Variants in OPCML observed in about 807,000 individuals in gnomAD.
OPCML encodes the protein opioid binding protein/cell adhesion molecule like.
A neutral mutation model predicts 37.8 loss-of-function variants in OPCML; 13 were observed. The observed-to-expected ratio is 0.34, with a 90% CI of 0.22 to 0.55. The LOEUF (loss-of-function observed/expected upper bound fraction) is 0.55. Among genes scored for constraint, OPCML ranks in the 20% least tolerant of loss-of-function variants. OPCML has a pLI of 0.91. For missense variants in OPCML, 341 were observed against 435.6 expected, an observed-to-expected ratio of 0.78 and a Z score of 1.93; for synonymous variants, 176 against 168.8, an observed-to-expected ratio of 1.04 and a Z score of -0.33.
At chr11:133,510,308 T>C (rs776347267) in intron 1 of OPCML, among the ~76,000 whole-genome samples, 1 of 152,120 alleles carries the variant, frequency 6.6e-6, no homozygotes, top group Non-Finnish European at 1.5e-5. Context: ...TGGAAGAGGG[T>C]ATAGGGGAAA....
chr11:132,550,214 A>C (rs1183026524), intron 3 of OPCML, among the ~76,000 whole-genome samples: 1 of 152,186 alleles, frequency 6.6e-6, no homozygotes, highest in East Asian at 1.9e-4. Flanking sequence ...TGTGACATTA[A>C]GGGGGTGATA....
chr11:132,804,419 C>G (rs1242275173), intron 2 of OPCML, among the ~76,000 whole-genome samples: 1 of 152,102 alleles, frequency 6.6e-6, no homozygotes, highest in Non-Finnish European at 1.5e-5. Context: ...CTGGGAGGCC[C>G]CTGCAAGTCT....
At chr11:132,684,649 T>C (rs1943092727) in intron 2 of OPCML, among the ~76,000 whole-genome samples, 1 of 152,296 alleles carries the variant, frequency 6.6e-6, no homozygotes, top group East Asian at 1.9e-4. Flanking sequence ...GCTTAACAAA[T>C]ATTTCTAGAG....
chr11:133,494,136 G>T (rs1341324155), intron 1 of OPCML, among the ~76,000 whole-genome samples: 2 of 152,080 alleles, frequency 1.3e-5, no homozygotes, highest in South Asian at 2.1e-4. Flanking sequence ...ACCATCACTG[G>T]CCATCAGAGA....
chr11:133,050,655 T>C (rs1460136225), intron 1 of OPCML, among the ~76,000 whole-genome samples: 1 of 152,028 alleles, frequency 6.6e-6, no homozygotes, highest in Non-Finnish European at 1.5e-5. Context: ...AGGCCTCCCT[T>C]CTTAGGATTT....
At chr11:132,936,690 A>G (rs1267327926) in intron 2 of OPCML, among the ~76,000 whole-genome samples, 6 of 152,184 alleles carry the variant, frequency 3.9e-5, no homozygotes, top group African/African-American at 1.4e-4. Flanking sequence ...TGAGCAGCCT[A>G]GATATCACAG....
intron 4 of OPCML, among the ~76,000 whole-genome samples, chr11:132,504,596 G>C (rs73033761): frequency 6.6e-6 from 1 of 151,832 alleles, no homozygotes; most frequent in Admixed American, 6.6e-5. Flanking sequence ...CGGCTTGCAG[G>C]CTCCAGGCTC....
rs1939114005 is a variant in OPCML at position 132,617,518 on chromosome 11, C to A, written c.379+39569G>T. ...CCCTCCATGCACTTAGATCCACAAG[C>A]CTTAATCATCACCAGTCATAGACAT... On this transcript the variant is annotated intron_variant, in intron 3 of 7. Transcript: ENST00000524381. 2.0e-5 allele frequency among the ~76,000 whole-genome samples: 3 copies of A among 152,210 alleles called. No homozygotes were observed. In the South Asian group the frequency reaches 6.2e-4, roughly 31 times the overall value.
chr11:133,421,127 C>G, intron 1 of OPCML: 1 of 985,358 alleles, frequency 1.0e-6, no homozygotes, highest in Non-Finnish European at 1.2e-6. Context: ...GTTCTCCAAG[C>G]TAACTCTATT....
At chr11:133,471,141 T>C (rs79381917) in intron 1 of OPCML, among the ~76,000 whole-genome samples, 3,251 of 152,210 alleles carry the variant, frequency 0.021, 79 homozygotes, top group South Asian at 0.077. Context: ...AAATGAGTAG[T>C]TCAGAAAACA....
In OPCML at chr11:133,208,329, T is replaced by C. The variant is rs1939197124; in HGVS notation, c.62-265319A>G. ...GACAGAAGCCTACACTACCGTGTGT[T>C]CTACTACATTCAGTATCATTGTCGA... is the stretch of plus-strand genomic sequence containing the variant. On this transcript the variant is annotated intron_variant, in intron 1 of 7. Transcript: ENST00000524381. The surrounding 1 kb of genome is among the most constrained non-coding windows in gnomAD (Gnocchi z 8.9). 6.6e-6 allele frequency among the ~76,000 whole-genome samples: 1 copy of C among 152,338 alleles called. No homozygotes were observed.
intron 1 of OPCML, among the ~76,000 whole-genome samples, chr11:133,016,029 T>A (rs946884624): frequency 6.6e-6 from 1 of 152,250 alleles, no homozygotes; most frequent in Non-Finnish European, 1.5e-5. Flanking sequence ...ATTAATTGGC[T>A]GTACATCCTC....
intron 3 of OPCML, among the ~76,000 whole-genome samples, chr11:132,584,940 C>G (rs1338711941): frequency 3.9e-5 from 6 of 152,146 alleles, no homozygotes; most frequent in Non-Finnish European, 8.8e-5. Context: ...CACCCATTTG[C>G]CTTATTTGAA....
At chr11:133,109,541 T>A (rs111764552) in intron 1 of OPCML, among the ~76,000 whole-genome samples, 9,903 of 152,222 alleles carry the variant, frequency 0.065, 1,033 homozygotes, top group African/African-American at 0.22. Flanking sequence ...ATCCCCTTGC[T>A]AGCTACTGAG....
At chr11:133,066,553 G>A (rs1948443182) in intron 1 of OPCML, 1 of 152,200 alleles carries the variant, frequency 6.6e-6, no homozygotes, top group African/African-American at 2.4e-5. Flanking sequence ...CAACAACTAA[G>A]TCATTCTATG....
intron 2 of OPCML, among the ~76,000 whole-genome samples, chr11:132,925,470 T>C (rs34531264): frequency 0.13 from 20,135 of 152,182 alleles, 1,497 homozygotes; most frequent in East Asian, 0.34. Context: ...TGTTTCCAAA[T>C]GGTTACCCTG....
intron 1 of OPCML, among the ~76,000 whole-genome samples, chr11:132,999,577 G>GGAGA (rs372561939): frequency 6.8e-6 from 1 of 146,584 alleles, no homozygotes; most frequent in African/African-American, 2.7e-5. Context: ...GTCGGGGGGG[G>GGAGA]AATGCCACCG....
intron 1 of OPCML, among the ~76,000 whole-genome samples, chr11:133,019,932 A>C (rs1373295040): frequency 6.6e-6 from 1 of 152,234 alleles, no homozygotes; most frequent in Non-Finnish European, 1.5e-5. Context: ...TCCCCAGTGC[A>C]CACATGCACA....
At chr11:132,898,565 G>A (rs1278716407) in intron 2 of OPCML, among the ~76,000 whole-genome samples, 1 of 152,176 alleles carries the variant, frequency 6.6e-6, no homozygotes, top group African/African-American at 2.4e-5. Flanking sequence ...TAACGTTGCA[G>A]GACTGGGGCA....
Sources: allele counts gnomAD v4.1 joint callset (sites outside exome capture counted in the v4.1 genomes callset), GRCh38; gene constraint gnomAD v4.1.1; non-coding constraint Gnocchi (gnomAD v3.1); transcripts MANE v1.5; gene names NCBI Gene and HGNC (gene_info 2026-07-23, HGNC 2026-07-21).